Variants in ATG7 observed in about 807,000 individuals in gnomAD.
ATG7 encodes autophagy related 7.
ATG7 carries 70 observed loss-of-function variants against 82.4 expected under a neutral mutation model. The ratio of observed to expected loss-of-function variants is 0.85; its 90% CI spans 0.70 to 1.04. ATG7 has a LOEUF of 1.04. ATG7 is among the 50% of genes least tolerant of loss of function. ATG7 has a pLI of 0.00. For synonymous variants in ATG7, 287 were observed against 313.0 expected, an observed-to-expected ratio of 0.92 and a Z score of 0.88; for missense variants, 792 against 864.3, an observed-to-expected ratio of 0.92 and a Z score of 1.05.
intron 8 of ATG7, among the ~76,000 whole-genome samples, chr3:11,314,135 T>C (rs1949063751): frequency 6.6e-6 from 1 of 152,178 alleles, no homozygotes; most frequent in East Asian, 1.9e-4. Context: ...TTGCAGAACT[T>C]TTCTACCTGG....
chr3:11,485,175 T>G (rs548779129), intron 20 of ATG7, among the ~76,000 whole-genome samples: 49 of 152,190 alleles, frequency 3.2e-4, no homozygotes, highest in Admixed American at 8.5e-4. Context: ...GTAAAAGTGT[T>G]CCTATTTCTC....
intron 20 of ATG7, among the ~76,000 whole-genome samples, chr3:11,464,891 G>T (rs1470058711): frequency 6.6e-6 from 1 of 152,092 alleles, no homozygotes; most frequent in African/African-American, 2.4e-5. Flanking sequence ...AACCTTGTTT[G>T]GGTACTGTTA....
chr3:11,391,239 T>C (rs949736906), intron 19 of ATG7, among the ~76,000 whole-genome samples: 3 of 152,242 alleles, frequency 2.0e-5, no homozygotes, highest in Non-Finnish European at 4.4e-5. Flanking sequence ...TGCAAGTTTT[T>C]AGATTCTTTT....
intron 20 of ATG7, among the ~76,000 whole-genome samples, chr3:11,461,582 T>C (rs2086302195): frequency 6.6e-6 from 1 of 152,162 alleles, no homozygotes; most frequent in Non-Finnish European, 1.5e-5. Context: ...TTAATCTCTC[T>C]CACTCTCTCT....
chr3:11,454,460 T>A (rs2085502603), intron 20 of ATG7, among the ~76,000 whole-genome samples: 1 of 152,106 alleles, frequency 6.6e-6, no homozygotes, highest in African/African-American at 2.4e-5. Flanking sequence ...AGCCTTCTAG[T>A]GATTGTGAGT....
At chr3:11,280,465 C>T (rs1942848354) in intron 1 of ATG7, among the ~76,000 whole-genome samples, 1 of 152,220 alleles carries the variant, frequency 6.6e-6, no homozygotes, top group African/African-American at 2.4e-5. Context: ...AGGATTTGAA[C>T]TCAGGTCTCT....
Position 11,504,494 on chromosome 3 carries a change from C to A in ATG7, c.2080-50317C>A, listed in dbSNP as rs1424002188. 5.9e-5 allele frequency among the ~76,000 whole-genome samples: 9 copies of A among 152,152 alleles called. No homozygotes were observed. In the East Asian group the frequency reaches 1.7e-3, roughly 29 times the overall value. On this transcript the variant is annotated intron_variant, in intron 20 of 20. Transcript: ENST00000693202. ...CACAAAGGAGAGATTGAAAGGCATC[C>A]TCAAAACAGTAGCGAAGGGAAGCCT...
intron 19 of ATG7, among the ~76,000 whole-genome samples, chr3:11,414,102 C>T (rs967274197): frequency 1.3e-5 from 2 of 152,118 alleles, no homozygotes; most frequent in Admixed American, 1.3e-4. Flanking sequence ...TGGAGTCTTG[C>T]TCTTGTTGCC....
intron 7 of ATG7, among the ~76,000 whole-genome samples, chr3:11,311,488 A>G (rs1003204717): frequency 6.6e-6 from 1 of 151,784 alleles, no homozygotes; most frequent in African/African-American, 2.4e-5. Context: ...TGTAGTCCCA[A>G]CTACTCGGGA....
chr3:11,501,339 C>G (rs149261247), intron 20 of ATG7, among the ~76,000 whole-genome samples: 204 of 152,236 alleles, frequency 1.3e-3, no homozygotes, highest in Non-Finnish European at 2.5e-3. Context: ...TATCAGAAAA[C>G]CTGAGAAAAG....
the ATG7 span, among the ~76,000 whole-genome samples, chr3:11,575,657 A>G: frequency 6.6e-6 from 1 of 152,220 alleles, no homozygotes; most frequent in Admixed American, 6.5e-5. Flanking sequence ...GAGAAACTCT[A>G]AGTGATTTTA....
At chr3:11,345,339 G>A (rs991065062) in intron 13 of ATG7, among the ~76,000 whole-genome samples, 2 of 152,214 alleles carry the variant, frequency 1.3e-5, no homozygotes, top group Non-Finnish European at 2.9e-5. Flanking sequence ...AACCCAGGAG[G>A]TGGAGCTTGC....
At chr3:11,303,919 A>C (rs1485999543) in intron 5 of ATG7, among the ~76,000 whole-genome samples, 4 of 26,992 alleles carry the variant, frequency 1.5e-4, no homozygotes, top group Admixed American at 5.2e-4. Context: ...TAAAAATGCA[A>C]AAAAAAAAAA....
intron 19 of ATG7, 39 bp downstream of exon 19, chr3:11,380,091 T>G (rs748643729): frequency 1.3e-6 from 2 of 1,594,042 alleles, no homozygotes; most frequent in Non-Finnish European, 1.7e-6. Context: ...TTTTTAAAAG[T>G]GAGCGGGTCA....
chr3:11,288,436 C>G (rs893786179), intron 3 of ATG7, among the ~76,000 whole-genome samples: 1 of 152,190 alleles, frequency 6.6e-6, no homozygotes, highest in African/African-American at 2.4e-5. Context: ...TTTCAAGGAT[C>G]TCCCAGCTAT....
At chr3:11,501,942 G>A (rs2091358901) in intron 20 of ATG7, among the ~76,000 whole-genome samples, 1 of 152,112 alleles carries the variant, frequency 6.6e-6, no homozygotes, top group African/African-American at 2.4e-5. Context: ...CCCTGCCTCG[G>A]CCTCCCAAAG....
chr3:11,386,651 G>T (rs925532774), intron 19 of ATG7, among the ~76,000 whole-genome samples: 3 of 152,156 alleles, frequency 2.0e-5, no homozygotes, highest in African/African-American at 7.2e-5. Flanking sequence ...TTCCAAAAGG[G>T]ATATAAATCT....
chr3:11,416,771 A>G (rs559069240), intron 19 of ATG7, among the ~76,000 whole-genome samples: 3 of 152,038 alleles, frequency 2.0e-5, no homozygotes, highest in Non-Finnish European at 4.4e-5. Flanking sequence ...TGCTCTTGTT[A>G]CCTAAGGTGT....
intron 20 of ATG7, among the ~76,000 whole-genome samples, chr3:11,536,543 G>A (rs779038670): frequency 6.6e-6 from 1 of 152,292 alleles, no homozygotes; most frequent in South Asian, 2.1e-4. Context: ...CATGCAAAAC[G>A]CCACCACACA....
Sources: allele counts gnomAD v4.1 joint callset (sites outside exome capture counted in the v4.1 genomes callset), GRCh38; gene constraint gnomAD v4.1.1; transcripts MANE v1.5; gene names NCBI Gene and HGNC (gene_info 2026-07-23, HGNC 2026-07-21).